TLL2: variants seen among roughly 807,000 people sequenced by gnomAD.
TLL2 encodes tolloid like 2, also known as tolloid-like protein 2.
A neutral mutation model predicts 123.0 loss-of-function variants in TLL2; 106 were observed. That is an observed-to-expected ratio of 0.86 (90% CI 0.74 to 1.01). TLL2 has a LOEUF of 1.01. Among genes scored for constraint, TLL2 ranks in the 50% least tolerant of loss-of-function variants. The pLI is 0.00. For synonymous variants in TLL2, 494 were observed against 516.8 expected, an observed-to-expected ratio of 0.96 and a Z score of 0.60; for missense variants, 1,332 against 1,336.7, an observed-to-expected ratio of 1.00 and a Z score of 0.06.
intron 9 of TLL2, among the ~76,000 whole-genome samples, chr10:96,405,985 C>A (rs1425103667): frequency 2.0e-5 from 3 of 152,148 alleles, no homozygotes; most frequent in African/African-American, 7.2e-5. Context: ...TGGGCCAAGC[C>A]AATGAGAACA....
intron 13 of TLL2, among the ~76,000 whole-genome samples, chr10:96,388,134 T>A (rs1040703349): frequency 6.6e-5 from 10 of 152,170 alleles, no homozygotes; most frequent in Non-Finnish European, 1.3e-4. Flanking sequence ...CCAGGCACGG[T>A]GGCTCACGCC....
chr10:96,488,378 A>G (rs1847377130), intron 1 of TLL2, among the ~76,000 whole-genome samples: 2 of 152,212 alleles, frequency 1.3e-5, no homozygotes, highest in African/African-American at 4.8e-5. Flanking sequence ...ACCTGCGGGA[A>G]GCCCCCATGG....
At chr10:96,439,655 T>C (rs1045826213) in intron 3 of TLL2, among the ~76,000 whole-genome samples, 3 of 152,172 alleles carry the variant, frequency 2.0e-5, no homozygotes, top group Admixed American at 6.5e-5. Flanking sequence ...GAAAAGGTAA[T>C]ATTTTTTTCA....
chr10:96,388,284 C>G (rs1392279275), intron 13 of TLL2, among the ~76,000 whole-genome samples: 1 of 152,102 alleles, frequency 6.6e-6, no homozygotes, highest in South Asian at 2.1e-4. Flanking sequence ...GCCTGTAATC[C>G]CAGCTACTCG....
intron 8 of TLL2, among the ~76,000 whole-genome samples, chr10:96,410,892 A>T (rs1008724995): frequency 6.6e-6 from 1 of 152,210 alleles, no homozygotes; most frequent in Non-Finnish European, 1.5e-5. Context: ...TGAGTGCTTC[A>T]TATATAATGC....
chr10:96,437,466 C>G (rs1846808108), intron 3 of TLL2, among the ~76,000 whole-genome samples: 1 of 152,168 alleles, frequency 6.6e-6, no homozygotes, highest in African/African-American at 2.4e-5. Context: ...TTTTGTGTAT[C>G]TACCACCACA....
chr10:96,367,874 G>T lies in TLL2; in HGVS notation c.*214C>A. The T allele has an allele frequency of 1.8e-6, 1 of 561,554 alleles. No individual in the cohort carries two copies. Among genetic ancestry groups the T allele is most frequent in the Non-Finnish European group, 3.1e-6 (1 of 320,484 alleles). 34.8% of individuals were successfully genotyped at this position (561,554 alleles called of 1,614,324 possible). A position where few individuals can be genotyped will look rare whatever the true frequency, so the allele number is the denominator to read the frequency against. ...TTAACAGTTCATGAATGATAACATT[G>T]CAGACAGAAGCAAAAGAACATTTTT... is the stretch of plus-strand genomic sequence containing the variant. On this transcript the variant is annotated 3_prime_UTR_variant, in exon 21 of 21. Transcript: ENST00000357947.
At chr10:96,377,332 G>A (rs1666549610) in intron 17 of TLL2, among the ~76,000 whole-genome samples, 1 of 152,226 alleles carries the variant, frequency 6.6e-6, no homozygotes, top group Non-Finnish European at 1.5e-5. Flanking sequence ...CCATCCATAA[G>A]CTTCTTTTAG....
chr10:96,382,077 T>A (rs1464954965), intron 16 of TLL2, among the ~76,000 whole-genome samples: 1 of 152,148 alleles, frequency 6.6e-6, no homozygotes, highest in Non-Finnish European at 1.5e-5. Flanking sequence ...TTTCTTTCTT[T>A]TTTTTTTTGA....
chr10:96,415,739 GTC>G (rs142401265), intron 7 of TLL2, among the ~76,000 whole-genome samples: 8 of 28,060 alleles, frequency 2.9e-4, no homozygotes, highest in Non-Finnish European at 6.0e-4. Flanking sequence ...GTCTCTCTCT[GTC>G]TCTCTCTCTC....
chr10:96,462,146 C>A (rs1193340152), intron 2 of TLL2, among the ~76,000 whole-genome samples: 1 of 152,148 alleles, frequency 6.6e-6, no homozygotes, highest in Non-Finnish European at 1.5e-5. Context: ...TTATTGTTAT[C>A]CCCATTTTAC....
intron 2 of TLL2, among the ~76,000 whole-genome samples, chr10:96,450,120 T>TG (rs5787187): frequency 0.13 from 19,993 of 151,670 alleles, 1,458 homozygotes; most frequent in African/African-American, 0.19. Flanking sequence ...AACGGATGGA[T>TG]GAAGGGATGG....
chr10:96,487,034 G>A (rs1349881379), intron 1 of TLL2, among the ~76,000 whole-genome samples: 1 of 152,220 alleles, frequency 6.6e-6, no homozygotes, highest in African/African-American at 2.4e-5. Context: ...TGTTCACCTG[G>A]GGAGGCAGGC....
intron 2 of TLL2, among the ~76,000 whole-genome samples, chr10:96,447,879 C>G (rs1311178396): frequency 6.6e-6 from 1 of 152,240 alleles, no homozygotes; most frequent in East Asian, 1.9e-4. Context: ...ATCAGGGAAG[C>G]TAAGGGCTCG....
chr10:96,444,064 G>A lies in TLL2; in HGVS notation c.364+2027C>T, dbSNP rs759795668. 2.0e-5 allele frequency among the ~76,000 whole-genome samples: 3 copies of A among 152,274 alleles called. No individual in the cohort carries two copies. In the East Asian group the frequency reaches 5.8e-4, roughly 29 times the overall value. On this transcript the variant is annotated intron_variant, in intron 3 of 20. Transcript: ENST00000357947. ...ACAAACATAGGAAAAAATGTTCAACGGCACCAGCAGTCAGAGGAGTACAAA... is the reference window on the plus strand; with the variant it reads ...ACAAACATAGGAAAAAATGTTCAACAGCACCAGCAGTCAGAGGAGTACAAA...
intron 13 of TLL2, among the ~76,000 whole-genome samples, chr10:96,390,793 G>A (rs769431368): frequency 5.3e-5 from 8 of 152,204 alleles, no homozygotes; most frequent in East Asian, 1.9e-4. Context: ...TGTCTGATAC[G>A]GCAGCCCCCA....
At chr10:96,434,108 TA>T (rs1218544007) in intron 3 of TLL2, among the ~76,000 whole-genome samples, 1 of 152,188 alleles carries the variant, frequency 6.6e-6, no homozygotes, top group African/African-American at 2.4e-5. Flanking sequence ...ACATTAATGT[TA>T]TTTACTTTAT....
At chr10:96,489,852 T>G (rs1445257552) in intron 1 of TLL2, among the ~76,000 whole-genome samples, 1 of 152,102 alleles carries the variant, frequency 6.6e-6, no homozygotes, top group Non-Finnish European at 1.5e-5. Flanking sequence ...ATCCTAGCAC[T>G]TTGGGAGGCC....
At chr10:96,510,229 G>A (rs999939249) in intron 1 of TLL2, among the ~76,000 whole-genome samples, 1 of 152,302 alleles carries the variant, frequency 6.6e-6, no homozygotes, top group African/African-American at 2.4e-5. Context: ...CATGGTGGTT[G>A]GAAGAATGCC....
Sources: allele counts gnomAD v4.1 joint callset (sites outside exome capture counted in the v4.1 genomes callset), GRCh38; gene constraint gnomAD v4.1.1; transcripts MANE v1.5; gene names NCBI Gene and HGNC (gene_info 2026-07-23, HGNC 2026-07-21).